The following SBF2 variants were observed in gnomAD, a reference collection of about 807,000 sequenced individuals.
The protein encoded by SBF2 is myotubularin-related protein 13.
In SBF2, 112 loss-of-function variants were observed where a neutral mutation model predicts 225.2. The observed-to-expected ratio is 0.50, with a 90% CI of 0.43 to 0.58. The LOEUF is 0.58. SBF2 is among the 20% of genes least tolerant of loss of function. The pLI is 0.00. For synonymous variants in SBF2, 763 were observed against 773.3 expected, an observed-to-expected ratio of 0.99 and a Z score of 0.22; for missense variants, 1,996 against 2,206.2, an observed-to-expected ratio of 0.90 and a Z score of 1.91.
At chr11:10,193,354 T>TTTC (rs1457881110) in intron 2 of SBF2, among the ~76,000 whole-genome samples, 4 of 144,462 alleles carry the variant, frequency 2.8e-5, no homozygotes, top group African/African-American at 1.0e-4. Flanking sequence ...ATTTCATCTT[T>TTTC]TTTTTTTTTT....
intron 1 of SBF2, among the ~76,000 whole-genome samples, chr11:10,302,006 T>C (rs1250369806): frequency 6.6e-6 from 1 of 152,234 alleles, no homozygotes; most frequent in Non-Finnish European, 1.5e-5. Flanking sequence ...TTCTTTTCTC[T>C]TTTCTTGCCA....
At chr11:9,985,304 A>G (rs1947150517) in intron 13 of SBF2, among the ~76,000 whole-genome samples, 3 of 152,028 alleles carry the variant, frequency 2.0e-5, no homozygotes, top group Admixed American at 6.6e-5. Context: ...AGGGGTAGCT[A>G]TTCTTTTTAG....
At chr11:10,233,559 ATCTC>A (rs144350292) in intron 1 of SBF2, among the ~76,000 whole-genome samples, 2 of 145,328 alleles carry the variant, frequency 1.4e-5, no homozygotes, top group African/African-American at 2.5e-5. Flanking sequence ...ATATATATAT[ATCTC>A]TCTCTCTCAA....
chr11:10,185,007 A>C (rs191402094), intron 2 of SBF2, among the ~76,000 whole-genome samples: 1 of 152,082 alleles, frequency 6.6e-6, no homozygotes, highest in African/African-American at 2.4e-5. Context: ...TAGTGTCCCC[A>C]AGGTTCATCC....
At chr11:10,078,172 G>A (rs551836919) in intron 2 of SBF2, among the ~76,000 whole-genome samples, 9 of 151,984 alleles carry the variant, frequency 5.9e-5, no homozygotes, top group Admixed American at 4.6e-4. Flanking sequence ...AAATAGAAAC[G>A]CTTTTACACT....
chr11:10,205,282 C>T (rs761654687), intron 1 of SBF2, among the ~76,000 whole-genome samples: 11 of 151,762 alleles, frequency 7.2e-5, no homozygotes, highest in South Asian at 4.2e-4. Flanking sequence ...ATGAACTTTA[C>T]GGTATGTAAA....
chr11:10,272,082 G>A lies in SBF2; in HGVS notation c.55+21933C>T, dbSNP rs1189862485. The A allele has an allele frequency of 4.2e-5, 48 of 1,142,642 alleles. 16 individuals carry two copies. The highest frequency in any genetic ancestry group is 5.3e-5 in the Non-Finnish European group (43 of 813,362). 70.8% of individuals were successfully genotyped at this position (1,142,642 alleles called of 1,614,324 possible). A position where few individuals can be genotyped will look rare whatever the true frequency, so the allele number is the denominator to read the frequency against. ...AGTAAAGCACAGGATCTAGGCTCCC[G>A]GAAGGGGTTACTTCCAGCTGGAACA... On this transcript the variant is annotated intron_variant, in intron 1 of 39. Coordinates refer to ENST00000256190, the MANE Select transcript of SBF2 (RefSeq NM_030962.4).
At chr11:10,278,682 T>C (rs1038249437) in intron 1 of SBF2, among the ~76,000 whole-genome samples, 8 of 149,872 alleles carry the variant, frequency 5.3e-5, no homozygotes, top group East Asian at 2.0e-4. Context: ...ACTTGGGAGG[T>C]TGAGGCAGGA....
intron 8 of SBF2, among the ~76,000 whole-genome samples, chr11:10,000,474 A>G (rs1947909775): frequency 6.6e-6 from 1 of 152,182 alleles, no homozygotes; most frequent in Admixed American, 6.5e-5. Flanking sequence ...AGAATACAAA[A>G]ATTTCGTGGA....
At chr11:9,874,311 A>C (rs1859036680) in intron 17 of SBF2, among the ~76,000 whole-genome samples, 1 of 152,188 alleles carries the variant, frequency 6.6e-6, no homozygotes, top group Non-Finnish European at 1.5e-5. Context: ...TGAAGGCAGA[A>C]ATCACAGTAC....
chr11:10,259,897 A>G (rs889870384), intron 1 of SBF2, among the ~76,000 whole-genome samples: 4 of 152,318 alleles, frequency 2.6e-5, no homozygotes, highest in African/African-American at 9.6e-5. Flanking sequence ...AGGACTTTTA[A>G]TAACACACAA....
At chr11:10,214,872 T>G (rs1215903814) in intron 1 of SBF2, among the ~76,000 whole-genome samples, 1 of 152,044 alleles carries the variant, frequency 6.6e-6, no homozygotes, top group Admixed American at 6.5e-5. Context: ...CCAGGTAGTT[T>G]AAGCAAAAAG....
intron 17 of SBF2, among the ~76,000 whole-genome samples, chr11:9,863,033 T>C (rs1857893137): frequency 6.6e-6 from 1 of 152,220 alleles, no homozygotes; most frequent in Non-Finnish European, 1.5e-5. Context: ...AAAAGTGGTA[T>C]TGTGCCATGC....
chr11:10,225,250 C>A (rs368552339), intron 1 of SBF2, among the ~76,000 whole-genome samples: 3 of 151,552 alleles, frequency 2.0e-5, no homozygotes, highest in Non-Finnish European at 4.4e-5. Flanking sequence ...TTAAAATATA[C>A]CAATTTGAGA....
intron 13 of SBF2, among the ~76,000 whole-genome samples, chr11:9,974,960 C>CAAAAAAAAAAAAA (rs1166081188): frequency 0.013 from 291 of 23,252 alleles, 69 homozygotes; most frequent in Non-Finnish European, 0.021. Context: ...AACTTTGACT[C>CAAAAAAAAAAAAA]AAAAAAAAAA....
rs557990818 is a variant in SBF2, at chr11:10,133,296, G to A, written c.141+60606C>T. 8.0e-5 allele frequency among the ~76,000 whole-genome samples: 12 copies of A among 149,622 alleles called. 3 individuals are homozygous for A. In the East Asian group the frequency reaches 1.7e-3, roughly 22 times the overall value. On this transcript the variant is annotated intron_variant, in intron 2 of 39. Transcript: ENST00000256190. ...TGGAGCTGCCTGCCAGTCCTGCGCC[G>A]TGTGCTCGCATTCCTCAGCCCTTGG...
At chr11:9,795,643 C>T (rs1051430805) in intron 33 of SBF2, among the ~76,000 whole-genome samples, 188 bp downstream of exon 33, 4 of 152,114 alleles carry the variant, frequency 2.6e-5, no homozygotes, top group African/African-American at 9.7e-5. Context: ...TAGGAATGAC[C>T]ACCTGCTAAG....
At chr11:9,890,043 A>G (rs1295002289) in intron 17 of SBF2, among the ~76,000 whole-genome samples, 1 of 152,128 alleles carries the variant, frequency 6.6e-6, no homozygotes, top group African/African-American at 2.4e-5. Flanking sequence ...AACTGGGACT[A>G]CAGAAGTGTG....
chr11:10,054,898 T>C (rs2134729471), intron 2 of SBF2, among the ~76,000 whole-genome samples: 1 of 151,996 alleles, frequency 6.6e-6, no homozygotes, highest in South Asian at 2.1e-4. Context: ...TTTGCATGTT[T>C]TTTTTTTGTT....
Sources: allele counts gnomAD v4.1 joint callset (sites outside exome capture counted in the v4.1 genomes callset), GRCh38; gene constraint gnomAD v4.1.1; transcripts MANE v1.5; gene names NCBI Gene and HGNC (gene_info 2026-07-23, HGNC 2026-07-21).